Variants in P2RX5 observed in about 807,000 individuals in gnomAD.
The protein encoded by P2RX5 is P2X purinoceptor 5.
A neutral mutation model predicts 54.1 loss-of-function variants in P2RX5; 46 were observed. The ratio of observed to expected loss-of-function variants is 0.85; its 90% CI spans 0.67 to 1.09. The LOEUF is 1.09. Among genes scored for constraint, P2RX5 ranks in the 50% least tolerant of loss-of-function variants. The probability of loss-of-function intolerance (pLI) is 0.00; values close to 1 mark genes in which losing one functional copy is unlikely to be tolerated. For missense variants in P2RX5, 566 were observed against 549.8 expected (o/e 1.03, Z -0.29); for synonymous variants, 226 against 226.4 (o/e 1.00, Z 0.02).
intron 11 of P2RX5, chr17:3,677,094 C>T (rs976162517): frequency 5.4e-5 from 53 of 985,242 alleles, no homozygotes; most frequent in Non-Finnish European, 5.9e-5. Flanking sequence ...CAAGGCCCTA[C>T]AGCGATGGAG....
the P2RX5 span, among the ~76,000 whole-genome samples, chr17:3,710,172 A>G: frequency 6.6e-6 from 1 of 152,044 alleles, no homozygotes; most frequent in Non-Finnish European, 1.5e-5. Flanking sequence ...CACGCCTGGA[A>G]TCCCAGCACT....
chr17:3,689,635 G>A lies in P2RX5; in HGVS notation c.615-5C>T. On this transcript the variant is annotated splice_region_variant and splice_polypyrimidine_tract_variant and intron_variant, in intron 6 of 11. Coordinates refer to ENST00000225328, the MANE Select transcript of P2RX5 (RefSeq NM_002561.4). ...TTGACGTCCATCACATTGCTTCTGG[G>A]TGGAGGCCATGGGCAGCCGAGAAAT... 1 of 1,614,156 alleles carries A rather than the reference G, an allele frequency of 6.2e-7. No homozygotes were observed. Among genetic ancestry groups the A allele is most frequent in the Non-Finnish European group, 8.5e-7 (1 of 1,180,034 alleles).
At chr17:3,701,467 C>A in the P2RX5 span, among the ~76,000 whole-genome samples, 1 of 151,910 alleles carries the variant, frequency 6.6e-6, no homozygotes, top group Non-Finnish European at 1.5e-5. Flanking sequence ...CCAAGGTGGG[C>A]GGATCACCTG....
At chr17:3,702,623 A>G in the P2RX5 span, among the ~76,000 whole-genome samples, 1 of 152,244 alleles carries the variant, frequency 6.6e-6, no homozygotes, top group Non-Finnish European at 1.5e-5. Context: ...CAGCGAGACC[A>G]TGAACCCACT....
chr17:3,688,029 C>G lies in P2RX5; in HGVS notation c.964G>C (p.Val322Leu), dbSNP rs747912829. 49 of 1,593,754 alleles carry G rather than the reference C, an allele frequency of 3.1e-5. No individual in the cohort carries two copies. Among genetic ancestry groups the G allele is most frequent in the Non-Finnish European group, 4.1e-5 (48 of 1,169,438 alleles). ...LMKAYGIRFD[V>L]MVNGKGAFFC... ...ACACGCACCTTGCCGTTCACCATCACGTCAAAGCGGATCCCGTAGGCTTTC... is the reference window on the plus strand; with the variant it reads ...ACACGCACCTTGCCGTTCACCATCAGGTCAAAGCGGATCCCGTAGGCTTTC... The change falls in exon 9 of 12, where the codon GTG becomes CTG. Residue 322 changes from valine (V) to leucine (L), a missense_variant. Coordinates refer to ENST00000225328, the MANE Select transcript of P2RX5 (RefSeq NM_002561.4).
intron 11 of P2RX5, chr17:3,675,501 G>A (rs1341717905): frequency 2.0e-6 from 2 of 985,034 alleles, no homozygotes; most frequent in East Asian, 2.3e-4. Context: ...AAAAATGCAA[G>A]GCTTTGCGTC....
chr17:3,688,523 C>G, intron 8 of P2RX5, 103 bp downstream of exon 8: 3 of 1,312,488 alleles, frequency 2.3e-6, no homozygotes, highest in Non-Finnish European at 3.3e-6. Context: ...ACCTCCCGCT[C>G]TGACACCCAC....
At chr17:3,716,419 A>G in the P2RX5 span, among the ~76,000 whole-genome samples, 31 of 152,336 alleles carry the variant, frequency 2.0e-4, no homozygotes, top group Non-Finnish European at 4.1e-4. Context: ...GTAACCGAAC[A>G]TAACAGTATT....
chr17:3,693,563 C>T (rs1485119429), intron 1 of P2RX5, among the ~76,000 whole-genome samples: 1 of 152,028 alleles, frequency 6.6e-6, no homozygotes, highest in South Asian at 2.1e-4. Flanking sequence ...TGGTGAAACT[C>T]CGTGTCTACT....
At chr17:3,702,444 T>G in the P2RX5 span, among the ~76,000 whole-genome samples, 1 of 152,196 alleles carries the variant, frequency 6.6e-6, no homozygotes, top group South Asian at 2.1e-4. Flanking sequence ...GAATAAAAGC[T>G]GGCCACCCAA....
the P2RX5 span, chr17:3,722,613 T>C: frequency 1.3e-5 from 2 of 152,688 alleles, no homozygotes; most frequent in Non-Finnish European, 2.9e-5. Context: ...AGAATAATGC[T>C]GTACTGGCGA....
intron 10 of P2RX5, among the ~76,000 whole-genome samples, chr17:3,681,240 C>T (rs1479876114): frequency 6.6e-6 from 1 of 152,192 alleles, no homozygotes; most frequent in African/African-American, 2.4e-5. Context: ...ACCCTGCACC[C>T]ACTGTCCCAG....
chr17:3,690,936 G>A lies in P2RX5; in HGVS notation c.360+20C>T, dbSNP rs374024278. Reference sequence around the variant, plus strand: ...GGTGGCTCTCCCACCCCCACGCCAGGGCCCCTCGCCAAATCAAACCTCAGC... The same window carrying A: ...GGTGGCTCTCCCACCCCCACGCCAGAGCCCCTCGCCAAATCAAACCTCAGC... On this transcript the variant is annotated intron_variant, in intron 3 of 11. Coordinates refer to ENST00000225328, the MANE Select transcript of P2RX5 (RefSeq NM_002561.4). 4.9e-4 allele frequency: 788 copies of A among 1,607,612 alleles called. No individual in the cohort carries two copies. Among genetic ancestry groups the A allele is most frequent in the Non-Finnish European group, 6.2e-4 (734 of 1,176,172 alleles).
chr17:3,723,058 T>C, the P2RX5 span, among the ~76,000 whole-genome samples: 1 of 152,296 alleles, frequency 6.6e-6, no homozygotes, highest in African/African-American at 2.4e-5. Flanking sequence ...GACGTGGGGA[T>C]GTAGGAAAGA....
chr17:3,682,035 T>A, intron 9 of P2RX5, 57 bp from the exon 10 acceptor site: 1 of 1,220,800 alleles, frequency 8.2e-7, no homozygotes, highest in Non-Finnish European at 1.2e-6. Context: ...ACTGTTCATT[T>A]AGGGCACTTT....
chr17:3,720,361 T>C, the P2RX5 span: 1 of 1,587,192 alleles, frequency 6.3e-7, no homozygotes, highest in Non-Finnish European at 8.7e-7. Flanking sequence ...TGTTGAAAGA[T>C]ATTTCACCAA....
rs530048638 is a variant in P2RX5 at position 3,689,396 on chromosome 17, C to T, written c.753+96G>A. 1.4e-5 allele frequency: 20 copies of T among 1,420,836 alleles called. No individual in the cohort carries two copies. The African/African-American group carries it at 1.8e-4, about 13-fold the overall frequency. The allele number at this position is 1,420,836 out of a possible 1,614,324, so 88.0% of individuals were successfully genotyped here. ...GCAGGTGACTTTGCAGGGCCACCCTCGCCCCACGAGTCCCCGTCCACACCC... is the reference window on the plus strand; with the variant it reads ...GCAGGTGACTTTGCAGGGCCACCCTTGCCCCACGAGTCCCCGTCCACACCC... On this transcript the variant is annotated intron_variant, in intron 7 of 11. Coordinates refer to ENST00000225328, the MANE Select transcript of P2RX5 (RefSeq NM_002561.4).
intron 1 of P2RX5, among the ~76,000 whole-genome samples, chr17:3,693,866 C>T (rs1015800530): frequency 6.6e-6 from 1 of 151,752 alleles, no homozygotes; most frequent in African/African-American, 2.4e-5. Flanking sequence ...CTCTGCTGCC[C>T]AGGCTGCTGG....
At chr17:3,682,464 G>A in intron 9 of P2RX5, 1 of 211,026 alleles carries the variant, frequency 4.7e-6, no homozygotes, top group Non-Finnish European at 9.8e-6. Context: ...GAGGTGGAAG[G>A]ACATTACGGA....
Sources: allele counts gnomAD v4.1 joint callset (sites outside exome capture counted in the v4.1 genomes callset), GRCh38; gene constraint gnomAD v4.1.1; transcripts MANE v1.5; gene names NCBI Gene and HGNC (gene_info 2026-07-23, HGNC 2026-07-21).